PHF3: variants seen among roughly 807,000 people sequenced by gnomAD.
PHF3 encodes the protein PHD finger protein 3.
In PHF3, 41 loss-of-function variants were observed where a neutral mutation model predicts 178.4. The ratio of observed to expected loss-of-function variants is 0.23; its 90% confidence interval spans 0.18 to 0.30. The LOEUF (loss-of-function observed/expected upper bound fraction) is 0.30, where lower values mean the gene tolerates loss of function less well. PHF3 is among the 10% of genes least tolerant of loss of function. The pLI, the probability that PHF3 is intolerant of heterozygous loss-of-function variation, is 1.00. For synonymous variants in PHF3, 842 were observed against 800.5 expected (o/e 1.05, Z -0.88); for missense variants, 2,346 against 2,398.1 (o/e 0.98, Z 0.45).
rs1768101383 is a variant in PHF3, at chr6:63,714,143, T to A, written c.*435T>A. ...AATTGCACTGTTTTTAAAGAAACTG[T>A]AGAGGAGCAACAAAAATCCAAGCAA... On this transcript the variant is annotated 3_prime_UTR_variant, in exon 16 of 16. Transcript: ENST00000262043. 1 of 153,946 alleles carries A rather than the reference T, an allele frequency of 6.5e-6. No individual in the cohort carries two copies. Among genetic ancestry groups the A allele is most frequent in the Admixed American group, 6.5e-5 (1 of 15,324 alleles). The allele number at this position is 153,946 out of a possible 1,614,324, so 9.5% of individuals were successfully genotyped here.
intron 2 of PHF3, among the ~76,000 whole-genome samples, chr6:63,664,700 A>G (rs993212322): frequency 7.2e-5 from 11 of 152,214 alleles, no homozygotes; most frequent in African/African-American, 2.6e-4. Context: ...GCACATGCTT[A>G]ATTAGTTTTG....
chr6:63,643,994 A>G (rs1228982078), intron 1 of PHF3, among the ~76,000 whole-genome samples: 3 of 152,204 alleles, frequency 2.0e-5, no homozygotes, highest in Non-Finnish European at 4.4e-5. Context: ...TGTGACCATA[A>G]CTTCTGAATG....
intron 4 of PHF3, among the ~76,000 whole-genome samples, chr6:63,687,011 C>T (rs1316885726): frequency 1.3e-5 from 2 of 152,172 alleles, no homozygotes; most frequent in African/African-American, 4.8e-5. Context: ...TTTTTAGCGT[C>T]AAGGGTTAGT....
In PHF3 at chr6:63,645,053, G is replaced by A. The variant is rs188490612; in HGVS notation, c.-25-1474G>A. Reference sequence around the variant, plus strand: ...ACGTCACCACACCTGGCTAATTTTTGTATTTTTTTTTGTAGAGACGGGGTT... The same window carrying A: ...ACGTCACCACACCTGGCTAATTTTTATATTTTTTTTTGTAGAGACGGGGTT... On this transcript the variant is annotated intron_variant, in intron 1 of 15. Coordinates refer to ENST00000262043, the MANE Select transcript of PHF3 (RefSeq NM_001370348.2). 6.4e-3 allele frequency among the ~76,000 whole-genome samples: 879 copies of A among 136,792 alleles called. 1 individual carries two copies. Among genetic ancestry groups the A allele is most frequent in the Non-Finnish European group, 0.011 (655 of 60,202 alleles). The allele number at this position is 136,792 out of a possible 152,430, so 89.7% of individuals were successfully genotyped here.
At chr6:63,706,630 T>C in intron 12 of PHF3, 99 bp from the exon 13 acceptor site, 1 of 945,252 alleles carries the variant, frequency 1.1e-6, no homozygotes, top group South Asian at 1.7e-5. Flanking sequence ...CCTCATATTT[T>C]GGCCTTCTTC....
intron 1 of PHF3, among the ~76,000 whole-genome samples, chr6:63,638,460 A>G (rs989006122): frequency 6.6e-6 from 1 of 152,122 alleles, no homozygotes; most frequent in African/African-American, 2.4e-5. Context: ...CTTAAGATCC[A>G]TTTAAATTTC....
chr6:63,698,136 A>C, intron 6 of PHF3, 87 bp from the exon 7 acceptor site: 1 of 1,042,992 alleles, frequency 9.6e-7, no homozygotes, highest in Non-Finnish European at 1.4e-6. Context: ...AGTGACTTTT[A>C]ATCAGTTTTG....
rs1314971021 is a variant in PHF3 at position 63,685,827 on chromosome 6, C to G, written c.2105C>G (p.Ser702Cys). The change falls in exon 4 of 16, where the codon TCT becomes TGT. Residue 702 changes from serine (S) to cysteine (C), a missense_variant. By Grantham distance (112) the Ser-to-Cys change is moderately radical. Transcript: ENST00000262043. ...DNIATIRREG[S>C]DHSSSFESKY... The stretch of plus-strand genomic sequence containing the variant: ...ATAGCTACCATAAGAAGAGAAGGCT[C>G]TGATCATAGCTCCTCATTTGAAAGC... 6.2e-7 allele frequency: 1 copy of G among 1,613,710 alleles called. No homozygotes were observed. The highest frequency in any genetic ancestry group is 1.7e-5 in the Admixed American group (1 of 60,022).
intron 2 of PHF3, among the ~76,000 whole-genome samples, chr6:63,664,313 C>A (rs1022764921): frequency 2.0e-5 from 3 of 152,130 alleles, no homozygotes; most frequent in Non-Finnish European, 4.4e-5. Context: ...CAGATAAAGT[C>A]CAGTTCTCTG....
chr6:63,686,788 A>G (rs1338952531), intron 4 of PHF3, among the ~76,000 whole-genome samples: 1 of 152,206 alleles, frequency 6.6e-6, no homozygotes, highest in Non-Finnish European at 1.5e-5. Context: ...ATCCTTATTC[A>G]TGAAAGTGTG....
At position 63,712,644 on chromosome 6, in the gene PHF3, C is replaced by G. The variant is rs1268083842; in HGVS notation, c.5056C>G (p.His1686Asp). Reference protein sequence around the residue: ...GEKHMLPGLSHNKEHLTEQIN... With the variant: ...GEKHMLPGLSDNKEHLTEQIN... Reference sequence around the variant, plus strand: ...AAAACACATGCTGCCTGGCCTGTCACACAACAAGGAGCACTTAACAGAACA... The same window carrying G: ...AAAACACATGCTGCCTGGCCTGTCAGACAACAAGGAGCACTTAACAGAACA... The change falls in exon 16 of 16, where the codon CAC becomes GAC. Residue 1686 changes from histidine (H) to aspartate (D), a missense_variant. By Grantham distance (81) the His-to-Asp change is moderately conservative. Coordinates refer to ENST00000262043, the MANE Select transcript of PHF3 (RefSeq NM_001370348.2). The G allele has an allele frequency of 1.9e-6, 3 of 1,613,854 alleles. No individual in the cohort carries two copies. In the East Asian group the frequency reaches 6.7e-5, roughly 36 times the overall value.
At chr6:63,705,411 G>C (rs558215067) in intron 11 of PHF3, among the ~76,000 whole-genome samples, 1 of 152,322 alleles carries the variant, frequency 6.6e-6, no homozygotes, top group South Asian at 2.1e-4. Flanking sequence ...AGCGGTGGAC[G>C]ATACTGCCTG....
At chr6:63,678,008 A>T (rs1766249967) in intron 2 of PHF3, among the ~76,000 whole-genome samples, 1 of 152,112 alleles carries the variant, frequency 6.6e-6, no homozygotes, top group South Asian at 2.1e-4. Context: ...GGATCACCTG[A>T]GGTCAGGAGT....
intron 2 of PHF3, among the ~76,000 whole-genome samples, chr6:63,658,994 C>A (rs1765355534): frequency 6.6e-6 from 1 of 151,928 alleles, no homozygotes; most frequent in Non-Finnish European, 1.5e-5. Context: ...TGTGGCTGAC[C>A]CATATTGTGG....
intron 4 of PHF3, 66 bp downstream of exon 4, chr6:63,685,977 T>G (rs1208422692): frequency 3.7e-6 from 4 of 1,082,164 alleles, no homozygotes; most frequent in African/African-American, 3.2e-5. Flanking sequence ...GGGGGTGGGA[T>G]TAATGTGAGA....
intron 9 of PHF3, 95 bp downstream of exon 9, chr6:63,700,561 C>A: frequency 1.6e-6 from 1 of 634,184 alleles, no homozygotes; most frequent in Non-Finnish European, 2.8e-6. Context: ...ACACAGACTG[C>A]ATAATAACAC....
chr6:63,637,766 C>T (rs9359559), intron 1 of PHF3, among the ~76,000 whole-genome samples: 151,307 of 152,270 alleles, frequency 0.99, 75,181 homozygotes, highest in Middle Eastern at 1. Context: ...CAATCAGTCC[C>T]GAAACGGGCT....
rs141773184 is a variant in PHF3, at chr6:63,685,055, G to A, written c.1333G>A (p.Asp445Asn). The A allele has an allele frequency of 3.7e-6, 6 of 1,613,874 alleles. No homozygotes were observed. The highest frequency in any genetic ancestry group is 3.3e-4 in the Middle Eastern group (2 of 6,084). Residue 445 changes from aspartate to asparagine, a missense_variant, in exon 4 of 16, where the codon GAC (aspartate) becomes AAC (asparagine). By Grantham distance (23) the Asp-to-Asn change is conservative. Transcript: ENST00000262043. Reference sequence around the variant, plus strand: ...GGAAAATGCTATTTGTGATGTGCCTGACCAAAATTCAAAACAGTTGAATGC... The same window carrying A: ...GGAAAATGCTATTTGTGATGTGCCTAACCAAAATTCAAAACAGTTGAATGC... The part of the protein sequence containing the change: ...ILENAICDVP[D>N]QNSKQLNAIE...
intron 2 of PHF3, among the ~76,000 whole-genome samples, chr6:63,653,287 A>G (rs1235772459): frequency 6.6e-6 from 1 of 151,700 alleles, no homozygotes; most frequent in Non-Finnish European, 1.5e-5. Flanking sequence ...TTTGGTAGGT[A>G]ATGTGGTCAT....
Sources: gnomAD v4.1 joint callset for allele counts (sites outside exome capture counted in the v4.1 genomes callset) on GRCh38, gnomAD v4.1.1 for gene constraint, MANE v1.5 for transcripts, NCBI Gene and HGNC (gene_info 2026-07-23, HGNC 2026-07-21) for gene names.